Variants in ARPC3 observed in about 807,000 individuals in gnomAD.
ARPC3 encodes the protein actin-related protein 2/3 complex subunit 3.
In ARPC3, 12 loss-of-function variants were observed where a neutral mutation model predicts 27.6. That is an observed-to-expected ratio of 0.43 (90% CI 0.28 to 0.70). The LOEUF (loss-of-function observed/expected upper bound fraction) is 0.70, where lower values mean the gene tolerates loss of function less well. Among genes scored for constraint, ARPC3 ranks in the 30% least tolerant of loss-of-function variants. The pLI, the probability that ARPC3 is intolerant of heterozygous loss-of-function variation, is 0.17. For synonymous variants in ARPC3, 53 were observed against 67.2 expected, an observed-to-expected ratio of 0.79 and a Z score of 1.03; for missense variants, 153 against 207.7, an observed-to-expected ratio of 0.74 and a Z score of 1.62.
At chr12:110,436,264 G>A (rs923826196) in intron 5 of ARPC3, 60 bp from the exon 6 acceptor site, 8 of 1,369,794 alleles carry the variant, frequency 5.8e-6, no homozygotes, top group African/African-American at 2.9e-5. Context: ...TGTACTGGTT[G>A]CAGCTCTGGA....
intron 2 of ARPC3, among the ~76,000 whole-genome samples, chr12:110,443,838 C>T (rs1302657694): frequency 3.3e-5 from 5 of 152,244 alleles, no homozygotes; most frequent in Admixed American, 6.5e-5. Context: ...GGGGCAAAGG[C>T]CAAAGGATTC....
intron 2 of ARPC3, chr12:110,445,083 G>A (rs775927353): frequency 1.3e-5 from 3 of 234,508 alleles, no homozygotes; most frequent in African/African-American, 2.3e-5. Flanking sequence ...AGATTTAGAC[G>A]AGGAAGAGGT....
chr12:110,444,075 T>G (rs776017239), intron 2 of ARPC3, among the ~76,000 whole-genome samples: 2 of 151,792 alleles, frequency 1.3e-5, no homozygotes, highest in Non-Finnish European at 2.9e-5. Context: ...GTTCAAGCAA[T>G]TCTCCTGCCT....
At chr12:110,443,682 C>T (rs1023393255) in intron 2 of ARPC3, among the ~76,000 whole-genome samples, 1 of 152,160 alleles carries the variant, frequency 6.6e-6, no homozygotes, top group Admixed American at 6.6e-5. Flanking sequence ...ATCTGCCCGC[C>T]TCAGCCTCCC....
At chr12:110,447,546 G>A (rs1470907108) in intron 1 of ARPC3, among the ~76,000 whole-genome samples, 3 of 152,094 alleles carry the variant, frequency 2.0e-5, no homozygotes, top group Admixed American at 2.0e-4. Context: ...AGGCTGAGGC[G>A]GACAGATCAC....
intron 2 of ARPC3, 142 bp from the exon 3 acceptor site, chr12:110,440,530 A>G: frequency 1.5e-6 from 1 of 673,974 alleles, no homozygotes; most frequent in Non-Finnish European, 2.7e-6. Context: ...ATTGAAATAC[A>G]AAGTTTTTAG....
At chr12:110,438,809 A>G (rs1037812934) in intron 3 of ARPC3, among the ~76,000 whole-genome samples, 3 of 150,086 alleles carry the variant, frequency 2.0e-5, no homozygotes, top group Admixed American at 6.6e-5. Context: ...ACGCCCAGTT[A>G]ATTTTGTATT....
Position 110,438,890 on chromosome 12 carries a change from G to A in ARPC3, c.183+1422C>T, listed in dbSNP as rs529418946. Among the ~76,000 whole-genome samples, 155 of 151,888 alleles carry A rather than the reference G, an allele frequency of 1.0e-3. 1 individual carries two copies. The highest frequency in any genetic ancestry group is 3.4e-3 in the African/African-American group (142 of 41,492). ...GCTCCCGACCTCAGGTGATCCGCCCGCCTTGGCCTCCCAAATTACGGGCAG... is the reference window on the plus strand; with the variant it reads ...GCTCCCGACCTCAGGTGATCCGCCCACCTTGGCCTCCCAAATTACGGGCAG... On this transcript the variant is annotated intron_variant, in intron 3 of 6. Transcript: ENST00000228825.
chr12:110,437,330 C>G (rs1325104048), intron 3 of ARPC3, 178 bp from the exon 4 acceptor site: 3 of 591,180 alleles, frequency 5.1e-6, no homozygotes, highest in African/African-American at 1.9e-5. Flanking sequence ...TTTCCGTCTG[C>G]CCCTGGGAGG....
At chr12:110,446,282 C>A (rs1164103190) in intron 1 of ARPC3, among the ~76,000 whole-genome samples, 1 of 150,254 alleles carries the variant, frequency 6.7e-6, no homozygotes, top group Non-Finnish European at 1.5e-5. Context: ...AGCCACCACA[C>A]CTGGCTACTT....
chr12:110,447,430 C>A (rs1484448291), intron 1 of ARPC3, among the ~76,000 whole-genome samples: 1 of 152,118 alleles, frequency 6.6e-6, no homozygotes, highest in Non-Finnish European at 1.5e-5. Flanking sequence ...TAGTAATATA[C>A]AAAGTAGTAC....
chr12:110,436,751 CACAT>C lies in ARPC3; in HGVS notation c.253-72_253-69del, dbSNP rs1486143975. ...ACACACACACACACACACACACACA[CACAT>C]ATTTTACAGGGAAAAGAAGAATTCT... On this transcript the variant is annotated intron_variant, in intron 4 of 6. Coordinates refer to ENST00000228825, the MANE Select transcript of ARPC3 (RefSeq NM_001278556.2). 6.5e-5 allele frequency: 70 copies of C among 1,074,718 alleles called. No homozygotes were observed. The African/African-American group carries it at 7.9e-4, about 12-fold the overall frequency. 66.6% of individuals were successfully genotyped at this position (1,074,718 alleles called of 1,614,324 possible).
chr12:110,447,275 T>G (rs1303256903), intron 1 of ARPC3, among the ~76,000 whole-genome samples: 1 of 152,208 alleles, frequency 6.6e-6, no homozygotes, highest in Admixed American at 6.6e-5. Flanking sequence ...AAAATCACAT[T>G]TATGAGAGCA....
intron 2 of ARPC3, among the ~76,000 whole-genome samples, chr12:110,440,727 T>C (rs865802846): frequency 2.0e-5 from 3 of 150,718 alleles, no homozygotes; most frequent in South Asian, 4.2e-4. Context: ...TTTGTATTTT[T>C]AGTAGAGATG....
chr12:110,436,424 A>AT, intron 5 of ARPC3, 133 bp downstream of exon 5: 1 of 1,461,526 alleles, frequency 6.8e-7, no homozygotes, highest in Non-Finnish European at 9.5e-7. Flanking sequence ...AGAGTGACTA[A>AT]TAAGATAATG....
At position 110,436,699 on chromosome 12, in the gene ARPC3, T is replaced by TATATATATATA; in HGVS notation, c.253-27_253-17dup. On this transcript the variant is annotated splice_polypyrimidine_tract_variant and intron_variant, in intron 4 of 6. Coordinates refer to ENST00000228825, the MANE Select transcript of ARPC3 (RefSeq NM_001278556.2). ...TGGAATTGCACTGGAAAAAAAAATA[T>TATATATATATA]ATATATATATATACACACACACACA... The TATATATATATA allele has an allele frequency of 1.6e-6, 1 of 633,900 alleles. No homozygotes were observed. The highest frequency in any genetic ancestry group is 2.5e-6 in the Non-Finnish European group (1 of 403,988). 39.3% of individuals were successfully genotyped at this position (633,900 alleles called of 1,614,324 possible). A position where few individuals can be genotyped will look rare whatever the true frequency, so the allele number is the denominator to read the frequency against.
chr12:110,439,182 C>T (rs1021784557), intron 3 of ARPC3, among the ~76,000 whole-genome samples: 6 of 152,068 alleles, frequency 3.9e-5, no homozygotes, highest in Admixed American at 6.6e-5. Flanking sequence ...GATGGGGTTT[C>T]GCTTTGTTGG....
At chr12:110,444,012 T>C (rs2062451649) in intron 2 of ARPC3, among the ~76,000 whole-genome samples, 1 of 151,134 alleles carries the variant, frequency 6.6e-6, no homozygotes, top group Admixed American at 6.6e-5. Flanking sequence ...GCTCGTTGCC[T>C]AGGCTGGAGT....
chr12:110,447,739 C>T (rs2062473128), intron 1 of ARPC3, among the ~76,000 whole-genome samples: 1 of 152,076 alleles, frequency 6.6e-6, no homozygotes, highest in African/African-American at 2.4e-5. Context: ...CACCACTGCA[C>T]TCCAGCCTGG....
Sources: gnomAD v4.1 joint callset for allele counts (sites outside exome capture counted in the v4.1 genomes callset) on GRCh38, gnomAD v4.1.1 for gene constraint, MANE v1.5 for transcripts, NCBI Gene and HGNC (gene_info 2026-07-23, HGNC 2026-07-21) for gene names.